The following TLN1 variants were observed in gnomAD, a reference collection of about 807,000 sequenced individuals.
TLN1 encodes talin 1.
In TLN1, 56 loss-of-function variants were observed where a neutral mutation model predicts 292.3. That is an observed-to-expected ratio of 0.19 (90% CI 0.15 to 0.24). TLN1 has a LOEUF of 0.24. TLN1 is among the 10% of genes least tolerant of loss of function. TLN1 has a pLI of 1.00. For missense variants in TLN1, 2,433 were observed against 3,248.2 expected, an observed-to-expected ratio of 0.75 and a Z score of 6.10; for synonymous variants, 1,119 against 1,253.7, an observed-to-expected ratio of 0.89 and a Z score of 2.27.
chr9:35,710,489 G>A (rs1221969764), intron 33 of TLN1, 72 bp downstream of exon 33: 49 of 1,560,880 alleles, frequency 3.1e-5, no homozygotes, highest in South Asian at 1.4e-4. Context: ...TTATCTACAG[G>A]TATGTCAGGC....
At chr9:35,720,959 C>T in intron 10 of TLN1, 46 bp from the exon 11 acceptor site, 1 of 1,499,868 alleles carries the variant, frequency 6.7e-7, no homozygotes, top group African/African-American at 1.4e-5. Flanking sequence ...CAAATCTATC[C>T]AGGATGGAAA....
rs377350733 is a variant in TLN1 at position 35,699,491 on chromosome 9, G to A, written c.6769-30C>T. ...GCAAGAAGCGGGCAGGGGACAAAGA[G>A]CATCACATCTTAGGGTCTACCCTGA... On this transcript the variant is annotated intron_variant, in intron 50 of 56. Transcript: ENST00000314888. This position sits in a 1 kb window ranked among gnomAD's most constrained non-coding sequence, Gnocchi z 4.0. The A allele has an allele frequency of 6.3e-7, 1 of 1,599,430 alleles. No homozygotes were observed. The highest frequency in any genetic ancestry group is 1.7e-5 in the Admixed American group (1 of 58,868).
In TLN1 at chr9:35,704,860, A is replaced by T. The variant is rs1448505783; in HGVS notation, c.5734-45T>A. On this transcript the variant is annotated intron_variant, in intron 43 of 56. Transcript: ENST00000314888. This position sits in a 1 kb window ranked among gnomAD's most constrained non-coding sequence, Gnocchi z 6.9. ...CAGATGGATTTTACAAGGGGCACTCAGGGTACCTTCACTGTGCTTGGAAAA... is the reference window on the plus strand; with the variant it reads ...CAGATGGATTTTACAAGGGGCACTCTGGGTACCTTCACTGTGCTTGGAAAA... The T allele has an allele frequency of 6.3e-7, 1 of 1,598,590 alleles. No individual in the cohort carries two copies. Among genetic ancestry groups the T allele is most frequent in the Admixed American group, 1.7e-5 (1 of 59,240 alleles).
In TLN1 at chr9:35,706,758, TC is replaced by T; in HGVS notation, c.5088+9del. 1 of 1,612,888 alleles carries T rather than the reference TC, an allele frequency of 6.2e-7. No homozygotes were observed. The highest frequency in any genetic ancestry group is 8.5e-7 in the Non-Finnish European group (1 of 1,179,580). ...AGACACATCTTTCCATATAACCCTC[TC>T]CCTCTCACCTCTTGAGAGATTCCCT... On this transcript the variant is annotated intron_variant, in intron 38 of 56. Coordinates refer to ENST00000314888, the MANE Select transcript of TLN1 (RefSeq NM_006289.4). The surrounding 1 kb of genome is among the most constrained non-coding windows in gnomAD (Gnocchi z 4.2).
At chr9:35,720,623 C>A in intron 11 of TLN1, 114 bp from the exon 12 acceptor site, 34 of 1,028,644 alleles carry the variant, frequency 3.3e-5, no homozygotes, top group Non-Finnish European at 4.4e-5. Context: ...GTGTCCATTT[C>A]TTTTTCTTTT....
Position 35,724,236 on chromosome 9 carries a change from C to T in TLN1, c.610G>A (p.Val204Met). Residue 204 changes from valine (V) to methionine (M), a missense_variant, in exon 6 of 57, where the codon GTG becomes ATG. Coordinates refer to ENST00000314888, the MANE Select transcript of TLN1 (RefSeq NM_006289.4). This position sits in a 1 kb window ranked among gnomAD's most constrained non-coding sequence, Gnocchi z 4.7. Reference sequence around the variant, plus strand: ...AGCTGTACAGGGTCCCGGGAATCCACATTCTGGTCTGAGTAAAAGAACTTC... The same window carrying T: ...AGCTGTACAGGGTCCCGGGAATCCATATTCTGGTCTGAGTAAAAGAACTTC... ...RRKFFYSDQN[V>M]DSRDPVQLNL... 1 of 1,614,194 alleles carries T rather than the reference C, an allele frequency of 6.2e-7. No homozygotes were observed. The highest frequency in any genetic ancestry group is 8.5e-7 in the Non-Finnish European group (1 of 1,180,032).
rs779613979 is a variant in TLN1, at chr9:35,704,695, C to G, written c.5854G>C (p.Glu1952Gln). 1 of 1,614,150 alleles carries G rather than the reference C, an allele frequency of 6.2e-7. No individual in the cohort carries two copies. The highest frequency in any genetic ancestry group is 8.5e-7 in the Non-Finnish European group (1 of 1,180,034). Residue 1952 changes from glutamate to glutamine, a missense_variant, in exon 44 of 57, where the codon GAG becomes CAG. Physicochemically the swap from Glu to Gln is conservative, Grantham distance 29. Transcript: ENST00000314888. This position sits in a 1 kb window ranked among gnomAD's most constrained non-coding sequence, Gnocchi z 6.9. ...TTCTCAGAGACTCTCCGGGCACACT[C>G]TATGAGCTCCTTCTTGGTGTAGGCA... ...SDAYTKKELI[E>Q]CARRVSEKVS...
At chr9:35,712,268 T>A in intron 27 of TLN1, 144 bp from the exon 28 acceptor site, 1 of 1,215,628 alleles carries the variant, frequency 8.2e-7, no homozygotes, top group East Asian at 2.6e-5. Flanking sequence ...AGGCTGAGGT[T>A]AGGGTTTCAA....
intron 21 of TLN1, 24 bp downstream of exon 21, chr9:35,715,035 T>C: frequency 1.9e-6 from 3 of 1,612,638 alleles, no homozygotes; most frequent in Non-Finnish European, 1.7e-6. Flanking sequence ...TCTCTCTTGC[T>C]CCTGGTGAAA....
rs777068760 is a variant in TLN1 at position 35,717,800 on chromosome 9, G to A, written c.1996-14C>T. On this transcript the variant is annotated splice_polypyrimidine_tract_variant and intron_variant, in intron 17 of 56. Transcript: ENST00000314888. The surrounding 1 kb of genome is among the most constrained non-coding windows in gnomAD (Gnocchi z 4.7). ...CATTAGCGCATCCTGTGAGAAAACAGCAGTTAGCATGACCTGAGATTGGGC... is the reference window on the plus strand; with the variant it reads ...CATTAGCGCATCCTGTGAGAAAACAACAGTTAGCATGACCTGAGATTGGGC... The A allele has an allele frequency of 6.3e-7, 1 of 1,588,432 alleles. No individual in the cohort carries two copies. The highest frequency in any genetic ancestry group is 8.6e-7 in the Non-Finnish European group (1 of 1,160,936).
chr9:35,699,517 T>C lies in TLN1; in HGVS notation c.6769-56A>G. On this transcript the variant is annotated intron_variant, in intron 50 of 56. Coordinates refer to ENST00000314888, the MANE Select transcript of TLN1 (RefSeq NM_006289.4). The surrounding 1 kb of genome is among the most constrained non-coding windows in gnomAD (Gnocchi z 4.0). ...CATCACATCTTAGGGTCTACCCTGATCTATGAAATAGGGCAGACCATGGCC... is the reference window on the plus strand; with the variant it reads ...CATCACATCTTAGGGTCTACCCTGACCTATGAAATAGGGCAGACCATGGCC... 1 of 1,564,548 alleles carries C rather than the reference T, an allele frequency of 6.4e-7. No homozygotes were observed. The highest frequency in any genetic ancestry group is 8.7e-7 in the Non-Finnish European group (1 of 1,153,378).
rs1037699779 is a variant in TLN1 at position 35,705,590 on chromosome 9, C to T, written c.5694G>A (p.Ser1898=). Residue 1898 remains serine, a synonymous_variant, in exon 43 of 57, where the codon TCG becomes TCA. Coordinates refer to ENST00000314888, the MANE Select transcript of TLN1 (RefSeq NM_006289.4). ...QLTSDYGRLA[S]EAKPAAVAAE... is the part of the protein sequence containing the mutation. ...CAGCCACCGCTGCAGGCTTGGCCTC[C>T]GAGGCCAGACGGCCATAGTCACTGG... The T allele has an allele frequency of 1.0e-5, 16 of 1,604,018 alleles. No individual in the cohort carries two copies. The highest frequency in any genetic ancestry group is 2.2e-5 in the East Asian group (1 of 44,650).
In TLN1 at chr9:35,699,661, C is replaced by A. The variant is rs764285843; in HGVS notation, c.6769-200G>T. 60 of 985,238 alleles carry A rather than the reference C, an allele frequency of 6.1e-5. No homozygotes were observed. The highest frequency in any genetic ancestry group is 6.5e-5 in the Non-Finnish European group (54 of 829,938). The allele number at this position is 985,238 out of a possible 1,614,324, so 61.0% of individuals were successfully genotyped here. On this transcript the variant is annotated intron_variant, in intron 50 of 56. Transcript: ENST00000314888. The surrounding 1 kb of genome is among the most constrained non-coding windows in gnomAD (Gnocchi z 4.0). ...ATAGAGACAGTGGGGCTGTGTCACT[C>A]ACCGGCTGACAAGGAGCAAGGAGAA...
At chr9:35,709,337 TCAAA>T (rs1485990509) in intron 33 of TLN1, among the ~76,000 whole-genome samples, 1 of 151,610 alleles carries the variant, frequency 6.6e-6, no homozygotes, top group Non-Finnish European at 1.5e-5. Context: ...AAAAACAAAA[TCAAA>T]CAAGCCATCT....
At chr9:35,702,558 T>C (rs1825483451) in intron 48 of TLN1, among the ~76,000 whole-genome samples, 2 of 152,192 alleles carry the variant, frequency 1.3e-5, no homozygotes, top group Middle Eastern at 3.4e-3. Flanking sequence ...AGTGGCGCCA[T>C]CTTGGCTCAC....
intron 28 of TLN1, 94 bp downstream of exon 28, chr9:35,711,910 TG>T: frequency 1.3e-6 from 2 of 1,593,530 alleles, no homozygotes; most frequent in Non-Finnish European, 8.5e-7. Flanking sequence ...GGGACAGATC[TG>T]GGAAGTCAGG....
Position 35,707,078 on chromosome 9 carries a change from C to T in TLN1, c.4949G>A (p.Ser1650Asn), listed in dbSNP as rs1374783353. 6.2e-7 allele frequency: 1 copy of T among 1,612,492 alleles called. No homozygotes were observed. Among genetic ancestry groups the T allele is most frequent in the East Asian group, 2.2e-5 (1 of 44,888 alleles). Residue 1650 changes from serine (S) to asparagine (N), a missense_variant, in exon 37 of 57, where the codon AGC becomes AAC. Transcript: ENST00000314888. This position sits in a 1 kb window ranked among gnomAD's most constrained non-coding sequence, Gnocchi z 5.6. ...GTTCCCCATCCCTCAATACCTCATG[C>T]TTGTAATTAGCTTCTTGATGGAGTC... ...VSDSIKKLIT[S>N]MRDKAPGQLE...
chr9:35,698,520 G>A lies in TLN1; in HGVS notation c.7189-15C>T, dbSNP rs1254648181. On this transcript the variant is annotated splice_polypyrimidine_tract_variant and intron_variant, in intron 54 of 56. Transcript: ENST00000314888. The surrounding 1 kb of genome is among the most constrained non-coding windows in gnomAD (Gnocchi z 5.3). ...ACCATCCGGGCCTAAAGCAGGGAGA[G>A]TTTGCTTAAAAATATGCCCCTTGCC... 6.2e-6 allele frequency: 10 copies of A among 1,613,386 alleles called. No individual in the cohort carries two copies.
At chr9:35,720,625 TTTTC>T (rs1003589762) in intron 11 of TLN1, 116 bp from the exon 12 acceptor site, 4 of 1,175,320 alleles carry the variant, frequency 3.4e-6, no homozygotes, top group African/African-American at 1.6e-5. Context: ...GTCCATTTCT[TTTTC>T]TTTTTTTTTT....
Sources: allele counts gnomAD v4.1 joint callset (sites outside exome capture counted in the v4.1 genomes callset), GRCh38; gene constraint gnomAD v4.1.1; non-coding constraint Gnocchi (gnomAD v3.1); transcripts MANE v1.5; gene names NCBI Gene and HGNC (gene_info 2026-07-23, HGNC 2026-07-21).